ULK4: variants seen among roughly 807,000 people sequenced by gnomAD.
ULK4 encodes the protein inactive serine/threonine-protein kinase ULK4.
ULK4 carries 133 observed loss-of-function variants against 160.6 expected under a neutral mutation model. The observed-to-expected ratio is 0.83, with a 90% CI of 0.72 to 0.96. The LOEUF is 0.96. ULK4 is among the 40% of genes least tolerant of loss of function. The pLI, the probability that ULK4 is intolerant of heterozygous loss-of-function variation, is 0.00. For missense variants in ULK4, 1,580 were observed against 1,499.5 expected, an observed-to-expected ratio of 1.05 and a Z score of -0.89; for synonymous variants, 534 against 539.8, an observed-to-expected ratio of 0.99 and a Z score of 0.15.
At chr3:41,653,208 G>A (rs998846232) in intron 30 of ULK4, among the ~76,000 whole-genome samples, 4 of 152,040 alleles carry the variant, frequency 2.6e-5, no homozygotes, top group Non-Finnish European at 5.9e-5. Context: ...ATATTCCCCT[G>A]CCCTGATCAC....
intron 34 of ULK4, among the ~76,000 whole-genome samples, chr3:41,451,920 T>TA (rs1224789955): frequency 2.0e-5 from 3 of 152,050 alleles, no homozygotes; most frequent in African/African-American, 4.8e-5. Context: ...TTAAATTTTA[T>TA]AAAAAACAGA....
At chr3:41,554,927 G>C (rs199900371) in intron 32 of ULK4, among the ~76,000 whole-genome samples, 18 of 152,070 alleles carry the variant, frequency 1.2e-4, no homozygotes, top group Non-Finnish European at 2.9e-5. Context: ...TAGACTCAGT[G>C]AGAGAACATA....
intron 21 of ULK4, among the ~76,000 whole-genome samples, chr3:41,767,165 T>C (rs1245169479): frequency 6.6e-6 from 1 of 152,220 alleles, no homozygotes; most frequent in Non-Finnish European, 1.5e-5. Flanking sequence ...AAAGACATCC[T>C]TTTTGTCCGG....
At chr3:41,493,644 G>T (rs1575306296) in intron 32 of ULK4, among the ~76,000 whole-genome samples, 1 of 147,308 alleles carries the variant, frequency 6.8e-6, no homozygotes, top group South Asian at 2.2e-4. Flanking sequence ...CCAGGAGCTG[G>T]TTTTTTGAAA....
intron 34 of ULK4, among the ~76,000 whole-genome samples, chr3:41,421,864 C>T (rs952970589): frequency 6.6e-6 from 1 of 152,100 alleles, no homozygotes; most frequent in African/African-American, 2.4e-5. Context: ...TGAATGCACA[C>T]GTAAAACCAT....
intron 19 of ULK4, among the ~76,000 whole-genome samples, chr3:41,814,123 G>A (rs1411283985): frequency 4.6e-5 from 7 of 152,174 alleles, no homozygotes; most frequent in Admixed American, 4.6e-4. Flanking sequence ...CTGCTCGCAG[G>A]GGAGGCTCCA....
chr3:41,567,442 G>C (rs1575425677), intron 31 of ULK4, among the ~76,000 whole-genome samples: 1 of 102,760 alleles, frequency 9.7e-6, no homozygotes, highest in Non-Finnish European at 2.0e-5. Flanking sequence ...TCACTTAACA[G>C]ATTTTTTTTT....
chr3:41,800,676 A>G lies in ULK4; in HGVS notation c.1849-383T>C, dbSNP rs910115731. 2.0e-5 allele frequency among the ~76,000 whole-genome samples: 3 copies of G among 152,200 alleles called. No homozygotes were observed. The East Asian group carries it at 5.8e-4, about 29-fold the overall frequency. ...TAAAATCATACGGAGCAGGCAGAAT[A>G]ATCCTCAGAAGTCATTCAGTCCTAG... On this transcript the variant is annotated intron_variant, in intron 19 of 36. Transcript: ENST00000301831.
rs568410801 is a variant in ULK4 at position 41,722,095 on chromosome 3, G to A, written c.2322-4234C>T. On this transcript the variant is annotated intron_variant, in intron 22 of 36. Transcript: ENST00000301831. ...CTAATTACAAAATGGGATAATGCCC[G>A]CCTTATAGGACTGCTGTGAGGATGT... 1.4e-4 allele frequency among the ~76,000 whole-genome samples: 22 copies of A among 152,238 alleles called. 1 individual carries two copies. In the South Asian group the frequency reaches 3.5e-3, roughly 24 times the overall value.
intron 32 of ULK4, among the ~76,000 whole-genome samples, chr3:41,539,003 T>G (rs11709955): frequency 0.061 from 9,220 of 149,960 alleles, 846 homozygotes; most frequent in African/African-American, 0.2. Flanking sequence ...TATGGACATA[T>G]ATTTTATGCT....
intron 17 of ULK4, among the ~76,000 whole-genome samples, chr3:41,850,904 A>G (rs2125673303): frequency 1.3e-5 from 2 of 152,216 alleles, no homozygotes; most frequent in Middle Eastern, 6.8e-3. Flanking sequence ...CCTGAATGGT[A>G]TTGCCTAGGT....
chr3:41,815,502 T>G (rs1265129604), intron 19 of ULK4, among the ~76,000 whole-genome samples: 1 of 152,320 alleles, frequency 6.6e-6, no homozygotes, highest in Middle Eastern at 3.4e-3. Context: ...TGCTAAGAAA[T>G]TAGCTGTCAG....
At chr3:41,607,034 G>A (rs1010931098) in intron 31 of ULK4, among the ~76,000 whole-genome samples, 1 of 151,986 alleles carries the variant, frequency 6.6e-6, no homozygotes, top group African/African-American at 2.4e-5. Context: ...CTAGATCAAT[G>A]TCCTGAAGCA....
At chr3:41,260,144 T>TG (rs1235522622) in intron 35 of ULK4, 4 of 152,228 alleles carry the variant, frequency 2.6e-5, no homozygotes, top group African/African-American at 9.6e-5. Context: ...TCTCTTCAGC[T>TG]GGGGTTTTCA....
chr3:41,662,561 T>C (rs372990576), intron 30 of ULK4, among the ~76,000 whole-genome samples: 39 of 152,286 alleles, frequency 2.6e-4, no homozygotes, highest in African/African-American at 9.4e-4. Flanking sequence ...TGGCTCATAA[T>C]AATGCAATAC....
chr3:41,883,805 G>T, intron 17 of ULK4, 69 bp downstream of exon 17: 2 of 1,344,726 alleles, frequency 1.5e-6, no homozygotes, highest in Non-Finnish European at 2.1e-6. Context: ...AAAGCTGCAG[G>T]TTCTAAATTA....
intron 30 of ULK4, among the ~76,000 whole-genome samples, chr3:41,657,915 G>A (rs1184738610): frequency 6.6e-6 from 1 of 151,306 alleles, no homozygotes; most frequent in Admixed American, 6.6e-5. Flanking sequence ...CCAAAATCAG[G>A]GGTGACATTC....
chr3:41,823,668 G>A (rs1200200978), intron 18 of ULK4, among the ~76,000 whole-genome samples: 1 of 152,076 alleles, frequency 6.6e-6, no homozygotes, highest in African/African-American at 2.4e-5. Flanking sequence ...GTACCAACAG[G>A]TTAGCACTGA....
chr3:41,643,869 G>C (rs940469860), intron 30 of ULK4, among the ~76,000 whole-genome samples: 1 of 151,882 alleles, frequency 6.6e-6, no homozygotes, highest in Non-Finnish European at 1.5e-5. Context: ...TTATTTCATT[G>C]AGCAGTGGTT....
Sources: allele counts gnomAD v4.1 joint callset (sites outside exome capture counted in the v4.1 genomes callset), GRCh38; gene constraint gnomAD v4.1.1; transcripts MANE v1.5; gene names NCBI Gene and HGNC (gene_info 2026-07-23, HGNC 2026-07-21).